Variants in NCK2 observed in about 807,000 individuals in gnomAD.
NCK2 encodes the protein NCK adaptor protein 2.
A neutral mutation model predicts 33.9 loss-of-function variants in NCK2; 16 were observed. That is an observed-to-expected ratio of 0.47 (90% CI 0.32 to 0.72). The LOEUF (loss-of-function observed/expected upper bound fraction) is 0.72, where lower values mean the gene tolerates loss of function less well. NCK2 is among the 30% of genes least tolerant of loss of function. The probability of loss-of-function intolerance (pLI) is 0.03; values close to 1 mark genes in which losing one functional copy is unlikely to be tolerated. For missense variants in NCK2, 418 were observed against 537.3 expected, an observed-to-expected ratio of 0.78 and a Z score of 2.19; for synonymous variants, 273 against 239.9, an observed-to-expected ratio of 1.14 and a Z score of -1.27.
At chr2:105,744,898 C>T, upstream of NCK2, 1 of 160,916 alleles carries the variant, frequency 6.2e-6, no homozygotes, top group Non-Finnish European at 1.3e-5. Context: ...GCCGCCGCTG[C>T]CGCGGGGATC....
chr2:105,880,300 C>T (rs1198146524), intron 3 of NCK2, among the ~76,000 whole-genome samples: 1 of 152,170 alleles, frequency 6.6e-6, no homozygotes, highest in Non-Finnish European at 1.5e-5. Context: ...TTATGATCCA[C>T]TAGTGGGCTT....
intron 2 of NCK2, among the ~76,000 whole-genome samples, chr2:105,818,262 A>G (rs1379075558): frequency 1.3e-5 from 1 of 75,578 alleles, no homozygotes; most frequent in African/African-American, 5.8e-5. Context: ...GGAACACCAC[A>G]CACTGGGGCC....
In NCK2 at chr2:105,882,177, A is replaced by G. The variant is rs574685174; in HGVS notation, c.948+128A>G. The G allele has an allele frequency of 3.0e-5, 33 of 1,103,088 alleles. No individual in the cohort carries two copies. The African/African-American group carries it at 5.0e-4, about 17-fold the overall frequency. 68.3% of individuals were successfully genotyped at this position (1,103,088 alleles called of 1,614,324 possible). A position where few individuals can be genotyped will look rare whatever the true frequency, so the allele number is the denominator to read the frequency against. On this transcript the variant is annotated intron_variant, in intron 4 of 4. Transcript: ENST00000233154. ...AGAGCGGGAGACGCAGATGAATGCA[A>G]TTTAGTATAATGTTTGCTACTCCGT...
rs565398941 is a variant in NCK2 at position 105,763,042 on chromosome 2, A to T, written c.-201+17904A>T. Among the ~76,000 whole-genome samples the T allele has an allele frequency of 3.3e-5, 5 of 152,288 alleles. No homozygotes were observed. In the East Asian group the frequency reaches 9.7e-4, roughly 29 times the overall value. ...AAACCCCGTCTCTACTAAAGAATAC[A>T]AAAGAATTAGCCAGGCGTGGTGGTA... On this transcript the variant is annotated intron_variant, in intron 1 of 4. Coordinates refer to ENST00000233154, the MANE Select transcript of NCK2 (RefSeq NM_003581.5).
chr2:105,777,559 G>A (rs1481104720), intron 1 of NCK2, among the ~76,000 whole-genome samples: 1 of 152,146 alleles, frequency 6.6e-6, no homozygotes, highest in African/African-American at 2.4e-5. Context: ...CACCAAAATG[G>A]AAAAACAAAA....
intron 3 of NCK2, among the ~76,000 whole-genome samples, chr2:105,869,529 C>T (rs564375709): frequency 5.3e-5 from 8 of 152,334 alleles, no homozygotes; most frequent in East Asian, 1.9e-4. Flanking sequence ...GGCACAAGTA[C>T]GGTTCGGCTG....
chr2:105,835,147 T>C (rs1420547299), intron 2 of NCK2, among the ~76,000 whole-genome samples: 4 of 151,828 alleles, frequency 2.6e-5, no homozygotes, highest in Non-Finnish European at 5.9e-5. Flanking sequence ...TCCTCATTTA[T>C]GTTTTCGCAC....
chr2:105,766,459 G>A (rs772972128), intron 1 of NCK2, among the ~76,000 whole-genome samples: 1 of 152,156 alleles, frequency 6.6e-6, no homozygotes, highest in Non-Finnish European at 1.5e-5. Flanking sequence ...GAGTAGCTGA[G>A]ACTACAGGCA....
intron 2 of NCK2, among the ~76,000 whole-genome samples, chr2:105,824,406 A>T (rs1480768116): frequency 6.6e-6 from 1 of 152,174 alleles, no homozygotes; most frequent in Admixed American, 6.5e-5. Context: ...TATGTTGAAG[A>T]TTTTGTTGTG....
intron 2 of NCK2, among the ~76,000 whole-genome samples, chr2:105,824,389 C>T (rs1475076353): frequency 6.6e-6 from 1 of 152,156 alleles, no homozygotes; most frequent in Admixed American, 6.5e-5. Flanking sequence ...TGATCTTACC[C>T]AGAGGTTATG....
At chr2:105,757,631 A>G (rs1347255446) in intron 1 of NCK2, among the ~76,000 whole-genome samples, 1 of 152,222 alleles carries the variant, frequency 6.6e-6, no homozygotes, top group Non-Finnish European at 1.5e-5. Context: ...CAAACCAGAC[A>G]AACACCAGCC....
In NCK2 at chr2:105,881,745, A is replaced by C; in HGVS notation, c.644A>C (p.Asn215Thr). The C allele has an allele frequency of 6.2e-7, 1 of 1,614,184 alleles. No homozygotes were observed. Among genetic ancestry groups the C allele is most frequent in the Non-Finnish European group, 8.5e-7 (1 of 1,180,024 alleles). The change falls in exon 4 of 5, where the codon AAC (asparagine) becomes ACC (threonine). Residue 215 changes from asparagine (N) to threonine (T), a missense_variant. Coordinates refer to ENST00000233154, the MANE Select transcript of NCK2 (RefSeq NM_003581.5). Reference protein sequence around the residue: ...PFSSVTEEELNFEKGETMEVI... With the variant: ...PFSSVTEEELTFEKGETMEVI... ...AGCTCAGTCACCGAGGAGGAGCTCAACTTCGAGAAGGGGGAGACCATGGAG... is the reference window on the plus strand; with the variant it reads ...AGCTCAGTCACCGAGGAGGAGCTCACCTTCGAGAAGGGGGAGACCATGGAG...
chr2:105,833,269 G>A (rs57402702), intron 2 of NCK2, among the ~76,000 whole-genome samples: 40,683 of 151,722 alleles, frequency 0.27, 6,237 homozygotes, highest in East Asian at 0.44. Flanking sequence ...TAATTCTTTT[G>A]TACTTTTACT....
chr2:105,765,076 T>C (rs1203236559), intron 1 of NCK2, among the ~76,000 whole-genome samples: 1 of 152,068 alleles, frequency 6.6e-6, no homozygotes, highest in Admixed American at 6.6e-5. Context: ...TTACATGGTA[T>C]GGACATCTTT....
intron 3 of NCK2, among the ~76,000 whole-genome samples, chr2:105,867,782 T>A (rs908493441): frequency 6.6e-6 from 1 of 152,220 alleles, no homozygotes; most frequent in Non-Finnish European, 1.5e-5. Flanking sequence ...ACTAAGATGA[T>A]CTCACCCTGC....
At chr2:105,864,827 G>C (rs1053870595) in intron 3 of NCK2, among the ~76,000 whole-genome samples, 4 of 88,332 alleles carry the variant, frequency 4.5e-5, no homozygotes, top group African/African-American at 1.8e-4. Flanking sequence ...ACATGTGCAT[G>C]TACACACACA....
Position 105,825,503 on chromosome 2 carries a change from A to G in NCK2, c.-17+8890A>G, listed in dbSNP as rs138126201. ...TGGGCACTGCAGCGCTTTGGAACAT[A>G]GCAGATATGGGAACGCTAATAATTT... On this transcript the variant is annotated intron_variant, in intron 2 of 4. Coordinates refer to ENST00000233154, the MANE Select transcript of NCK2 (RefSeq NM_003581.5). 2.6e-5 allele frequency among the ~76,000 whole-genome samples: 4 copies of G among 152,360 alleles called. No individual in the cohort carries two copies. The East Asian group carries it at 7.7e-4, about 29-fold the overall frequency.
At position 105,813,751 on chromosome 2, in the gene NCK2, G is replaced by GA. The variant is rs1380604317; in HGVS notation, c.-200-2672dup. On this transcript the variant is annotated intron_variant, in intron 1 of 4. Transcript: ENST00000233154. ...AAAACCCTGGGTTGTGGCTTTAGTG[G>GA]AAAAAAAGCAAATTTTAAGGTTACA... Among the ~76,000 whole-genome samples the GA allele has an allele frequency of 4.6e-5, 7 of 152,120 alleles. No individual in the cohort carries two copies. The South Asian group carries it at 1.4e-3, about 31-fold the overall frequency.
intron 3 of NCK2, among the ~76,000 whole-genome samples, chr2:105,875,525 G>A (rs1678201309): frequency 1.3e-5 from 2 of 152,250 alleles, no homozygotes; most frequent in Admixed American, 1.3e-4. Flanking sequence ...ATCCTAACCC[G>A]TAATATGATG....
Sources: gnomAD v4.1 joint callset for allele counts (sites outside exome capture counted in the v4.1 genomes callset) on GRCh38, gnomAD v4.1.1 for gene constraint, MANE v1.5 for transcripts, NCBI Gene and HGNC (gene_info 2026-07-23, HGNC 2026-07-21) for gene names.